Variants in KLHL41 observed in about 807,000 individuals in gnomAD.
The protein encoded by KLHL41 is kelch-like protein 41.
KLHL41 carries 31 observed loss-of-function variants against 49.2 expected under a neutral mutation model. The observed-to-expected ratio is 0.63, with a 90% CI of 0.47 to 0.85. The LOEUF (loss-of-function observed/expected upper bound fraction) is 0.85. KLHL41 is among the 40% of genes least tolerant of loss of function. The pLI is 0.00. For synonymous variants in KLHL41, 218 were observed against 258.5 expected, an observed-to-expected ratio of 0.84 and a Z score of 1.50; for missense variants, 663 against 726.7, an observed-to-expected ratio of 0.91 and a Z score of 1.01.
Position 169,510,176 on chromosome 2 carries a change from G to A in KLHL41, c.398G>A (p.Gly133Asp), listed in dbSNP as rs147294651. The A allele has an allele frequency of 1.8e-3, 2,829 of 1,614,058 alleles. 25 individuals are homozygous for A. In the Middle Eastern group the frequency reaches 0.018, roughly 10 times the overall value. ...VSYLQKRLAPGNCLAILRLGL... is the reference protein window; with the variant it reads ...VSYLQKRLAPDNCLAILRLGL... ...TATCTTCAGAAAAGACTTGCTCCTG[G>A]TAACTGTCTAGCCATCCTAAGATTA... The change falls in exon 1 of 6, where the codon GGT becomes GAT. Residue 133 changes from glycine to aspartate, a missense_variant. This residue lies in a region of KLHL41 where 528 missense variants were observed against 581.0 expected (regional missense o/e 0.91). Transcript: ENST00000284669. The surrounding 1 kb of genome is among the most constrained non-coding windows in gnomAD (Gnocchi z 4.2).
At position 169,509,876 on chromosome 2, in the gene KLHL41, T is replaced by C; in HGVS notation, c.98T>C (p.Ile33Thr). 1 of 1,614,170 alleles carries C rather than the reference T, an allele frequency of 6.2e-7. No homozygotes were observed. Among genetic ancestry groups the C allele is most frequent in the Non-Finnish European group, 8.5e-7 (1 of 1,180,034 alleles). ...GATCTCCTGGATGAGAAAAAATTCA[T>C]CGATTGCACCCTAAAAGCAGGTGAC... Reference protein sequence around the residue: ...LKDLLDEKKFIDCTLKAGDKS... With the variant: ...LKDLLDEKKFTDCTLKAGDKS... The change falls in exon 1 of 6, where the codon ATC becomes ACC. Residue 33 changes from isoleucine to threonine, a missense_variant. Physicochemically the swap from Ile to Thr is moderately conservative, Grantham distance 89 (BLOSUM62 -1). Coordinates refer to ENST00000284669, the MANE Select transcript of KLHL41 (RefSeq NM_006063.3).
chr2:169,522,337 A>G (rs1684215548), intron 5 of KLHL41, among the ~76,000 whole-genome samples: 1 of 152,144 alleles, frequency 6.6e-6, no homozygotes, highest in African/African-American at 2.4e-5. Context: ...AGGGCAAGAA[A>G]AAAAGTGGCT....
intron 5 of KLHL41, among the ~76,000 whole-genome samples, chr2:169,521,530 A>G (rs959347878): frequency 6.6e-6 from 1 of 152,150 alleles, no homozygotes; most frequent in Non-Finnish European, 1.5e-5. Context: ...AGTAGCTGGG[A>G]TTACAGGCAT....
chr2:169,518,227 AAAG>A lies in KLHL41; in HGVS notation c.1415_1417del (p.Lys472_Gly473delinsArg). ...CAGGGTGTTTATCTTCAACCCCAAA[AAAG>A]GAGATTGGAAAGATCTGGCTCCAAT... On this transcript the variant is annotated inframe_deletion, in exon 4 of 6. Transcript: ENST00000284669. 1 of 1,613,838 alleles carries A rather than the reference AAAG, an allele frequency of 6.2e-7. No individual in the cohort carries two copies. Among genetic ancestry groups the A allele is most frequent in the Non-Finnish European group, 8.5e-7 (1 of 1,179,844 alleles).
In KLHL41 at chr2:169,520,862, T is replaced by C. The variant is rs749898629; in HGVS notation, c.1564T>C (p.Trp522Arg). The change falls in exon 5 of 6, where the codon TGG becomes CGG. Residue 522 changes from tryptophan to arginine, a missense_variant and splice_region_variant. Coordinates refer to ENST00000284669, the MANE Select transcript of KLHL41 (RefSeq NM_006063.3). Reference protein sequence around the residue: ...VEAFDLTTNKWDVMTEFPQER... With the variant: ...VEAFDLTTNKRDVMTEFPQER... ...GACTATATTTTTAATGATACCTAGA[T>C]GGGATGTAATGACCGAATTTCCCCA... 2 of 1,605,810 alleles carry C rather than the reference T, an allele frequency of 1.2e-6. No individual in the cohort carries two copies. Among genetic ancestry groups the C allele is most frequent in the East Asian group, 4.5e-5 (2 of 44,840 alleles).
At chr2:169,520,482 C>T (rs553108582) in intron 4 of KLHL41, among the ~76,000 whole-genome samples, 10 of 150,368 alleles carry the variant, frequency 6.7e-5, no homozygotes, top group Non-Finnish European at 8.9e-5. Flanking sequence ...GATGGAGTCT[C>T]GCTCTGTTGC....
rs770685517 is a variant in KLHL41 at position 169,525,634 on chromosome 2, T to C, written c.1759T>C (p.Tyr587His). Residue 587 changes from tyrosine to histidine, a missense_variant, in exon 6 of 6, where the codon TAT (tyrosine) becomes CAT (histidine). Around this residue, in one of 3 missense-constraint regions of KLHL41, gnomAD observed 528 missense variants for 581.0 expected, o/e 0.91. Coordinates refer to ENST00000284669, the MANE Select transcript of KLHL41 (RefSeq NM_006063.3). Reference sequence around the variant, plus strand: ...GGCTGGGATGTTGAAGGAAATACGTTATGCTTCAGGAGCTAGTTGCCTAGC... The same window carrying C: ...GGCTGGGATGTTGAAGGAAATACGTCATGCTTCAGGAGCTAGTTGCCTAGC... ...EWAGMLKEIR[Y>H]ASGASCLATR... 47 of 1,613,602 alleles carry C rather than the reference T, an allele frequency of 2.9e-5. No individual in the cohort carries two copies. Among genetic ancestry groups the C allele is most frequent in the Non-Finnish European group, 3.1e-5 (37 of 1,179,650 alleles).
intron 5 of KLHL41, among the ~76,000 whole-genome samples, chr2:169,521,871 G>A (rs1684208441): frequency 6.6e-6 from 1 of 151,796 alleles, no homozygotes; most frequent in Non-Finnish European, 1.5e-5. Flanking sequence ...TCCTAAGTAT[G>A]ACACTTGAAA....
chr2:169,521,624 C>T (rs369360468), intron 5 of KLHL41, among the ~76,000 whole-genome samples: 1 of 152,152 alleles, frequency 6.6e-6, no homozygotes, highest in Admixed American at 6.5e-5. Context: ...AACTCCTGAC[C>T]TCAGGTGATC....
At chr2:169,516,473 T>G (rs866170925) in intron 3 of KLHL41, among the ~76,000 whole-genome samples, 1 of 152,290 alleles carries the variant, frequency 6.6e-6, no homozygotes, top group Middle Eastern at 3.4e-3. Flanking sequence ...AGATCTTATT[T>G]TGGGCATTTT....
chr2:169,524,418 CTTTTTT>C (rs113248017), intron 5 of KLHL41, among the ~76,000 whole-genome samples: 8 of 116,030 alleles, frequency 6.9e-5, no homozygotes, highest in African/African-American at 2.5e-4. Flanking sequence ...TGGGGTAAAT[CTTTTTT>C]TTTTTTTTTT....
intron 5 of KLHL41, among the ~76,000 whole-genome samples, chr2:169,523,021 C>T (rs116209043): frequency 6.6e-6 from 1 of 151,832 alleles, no homozygotes; most frequent in African/African-American, 2.4e-5. Flanking sequence ...CCGAGCCCAG[C>T]CCCAGATGAT....
rs537913427 is a variant in KLHL41 at position 169,510,069 on chromosome 2, T to C, written c.291T>C (p.Asp97=). The C allele has an allele frequency of 4.0e-5, 64 of 1,614,200 alleles. No individual in the cohort carries two copies. The Admixed American group carries it at 8.0e-4, about 20-fold the overall frequency. ...AATACCTGTACTCTGCCAGTATTGA[T>C]CTCAATGACGGAAATGTGCAAGATA... is the stretch of plus-strand genomic sequence containing the variant. The part of the protein sequence containing the change: ...IIKYLYSASI[D]LNDGNVQDIF... Residue 97 remains aspartate, a synonymous_variant, in exon 1 of 6, where the codon GAT becomes GAC. Coordinates refer to ENST00000284669, the MANE Select transcript of KLHL41 (RefSeq NM_006063.3). This position sits in a 1 kb window ranked among gnomAD's most constrained non-coding sequence, Gnocchi z 4.2.
At chr2:169,524,418 C>CTTT (rs113248017) in intron 5 of KLHL41, among the ~76,000 whole-genome samples, 109 of 116,006 alleles carry the variant, frequency 9.4e-4, no homozygotes, top group Non-Finnish European at 1.5e-3. Flanking sequence ...TGGGGTAAAT[C>CTTT]TTTTTTTTTT....
intron 5 of KLHL41, among the ~76,000 whole-genome samples, chr2:169,525,305 C>T (rs1161281749): frequency 6.6e-6 from 1 of 152,240 alleles, no homozygotes; most frequent in African/African-American, 2.4e-5. Flanking sequence ...GAATGTTTAA[C>T]TGCTTAGCTA....
At chr2:169,525,250 A>G (rs1418655644) in intron 5 of KLHL41, among the ~76,000 whole-genome samples, 1 of 152,228 alleles carries the variant, frequency 6.6e-6, no homozygotes, top group Non-Finnish European at 1.5e-5. Context: ...GAGTCTGCTT[A>G]CTTTGACTCA....
At chr2:169,525,526 C>T in intron 5 of KLHL41, 59 bp from the exon 6 acceptor site, 1 of 1,037,228 alleles carries the variant, frequency 9.6e-7, no homozygotes, top group Non-Finnish European at 1.5e-6. Context: ...GTATTCTGAA[C>T]ACAGGGAAAC....
rs1559129495 is a variant in KLHL41, at chr2:169,510,529, AAAAT to A, written c.752_755del (p.Lys251ThrfsTer4). On this transcript the variant is annotated frameshift_variant, in exon 1 of 6. Coordinates refer to ENST00000284669, the MANE Select transcript of KLHL41 (RefSeq NM_006063.3). LOFTEE classifies it high-confidence loss of function. This position sits in a 1 kb window ranked among gnomAD's most constrained non-coding sequence, Gnocchi z 4.2. The stretch of plus-strand genomic sequence containing the variant: ...TAAAAGCAACCCAGACCTCCAGAAA[AAAAT>A]CAAAGTTCTAAAAGATGCTTTCGCA... 5 of 1,613,558 alleles carry A rather than the reference AAAAT, an allele frequency of 3.1e-6. No individual in the cohort carries two copies. Among genetic ancestry groups the A allele is most frequent in the Non-Finnish European group, 4.2e-6 (5 of 1,179,914 alleles).
chr2:169,524,134 C>A (rs929558332), intron 5 of KLHL41, among the ~76,000 whole-genome samples: 1 of 152,078 alleles, frequency 6.6e-6, no homozygotes, highest in African/African-American at 2.4e-5. Flanking sequence ...TTAACCTTAA[C>A]CTCATATTGT....
Sources: allele counts gnomAD v4.1 joint callset (sites outside exome capture counted in the v4.1 genomes callset), GRCh38; gene constraint gnomAD v4.1.1; regional missense constraint gnomAD v4.1.1; non-coding constraint Gnocchi (gnomAD v3.1); transcripts MANE v1.5; gene names NCBI Gene and HGNC (gene_info 2026-07-23, HGNC 2026-07-21).